Variants in SMAD2 observed in about 807,000 individuals in gnomAD.
The protein encoded by SMAD2 is MAD homolog 2.
A neutral mutation model predicts 64.4 loss-of-function variants in SMAD2; 8 were observed. The ratio of observed to expected loss-of-function variants is 0.12; its 90% confidence interval spans 0.07 to 0.22. SMAD2 has a LOEUF of 0.22. SMAD2 is among the 10% of genes least tolerant of loss of function. The pLI, the probability that SMAD2 is intolerant of heterozygous loss-of-function variation, is 1.00. For synonymous variants in SMAD2, 203 were observed against 195.8 expected (o/e 1.04, Z -0.31); for missense variants, 289 against 561.2 (o/e 0.51, Z 4.90).
At chr18:47,854,998 A>C (rs1016250884) in intron 6 of SMAD2, among the ~76,000 whole-genome samples, 2 of 152,140 alleles carry the variant, frequency 1.3e-5, no homozygotes, top group African/African-American at 2.4e-5. Flanking sequence ...CCTGTGCTCC[A>C]CCTAGTCCTC....
intron 2 of SMAD2, among the ~76,000 whole-genome samples, chr18:47,892,850 T>C (rs2033262971): frequency 6.6e-6 from 1 of 152,186 alleles, no homozygotes; most frequent in African/African-American, 2.4e-5. Flanking sequence ...GTCCTTTTAA[T>C]TTATGCTTAT....
At position 47,838,949 on chromosome 18, in the gene SMAD2, A is replaced by C. The variant is rs544762721; in HGVS notation, c.*2878T>G. On this transcript the variant is annotated 3_prime_UTR_variant, in exon 11 of 11. Transcript: ENST00000262160. ...AATGTTGCTAATTTAAATAAAGACA[A>C]AAATTCAACAAAGAGGGGATTCTAT... 8.1e-4 allele frequency: 188 copies of C among 233,350 alleles called. 1 individual carries two copies. Among genetic ancestry groups the C allele is most frequent in the Non-Finnish European group, 1.1e-3 (125 of 118,028 alleles). The allele number at this position is 233,350 out of a possible 1,614,324, so 14.5% of individuals were successfully genotyped here.
rs1320726618 is a variant in SMAD2 at position 47,816,182 on chromosome 18, T to TCC, written c.*25644_*25645insGG. 2.0e-5 allele frequency: 3 copies of TCC among 152,234 alleles called. No homozygotes were observed. The highest frequency in any genetic ancestry group is 2.1e-4 in the South Asian group (1 of 4,834). The allele number at this position is 152,234 out of a possible 1,614,324, so 9.4% of individuals were successfully genotyped here. ...GTCAAGACAACAATAACAAAAGGCTTTCTTCAGGGAGGGCAGTGGAAGTGA... is the reference window on the plus strand; with the variant it reads ...GTCAAGACAACAATAACAAAAGGCTTCCTCTTCAGGGAGGGCAGTGGAAGTGA... On this transcript the variant is annotated 3_prime_UTR_variant, in exon 11 of 11. Transcript: ENST00000262160.
intron 3 of SMAD2, among the ~76,000 whole-genome samples, 159 bp downstream of exon 3, chr18:47,870,315 AT>A (rs1372618834): frequency 6.6e-6 from 1 of 152,160 alleles, no homozygotes; most frequent in African/African-American, 2.4e-5. Context: ...CATTTAATAT[AT>A]TTTTTATACT....
rs572365706 is a variant in SMAD2, at chr18:47,822,519, T to C, written c.*19308A>G. The C allele has an allele frequency of 6.6e-6, 1 of 152,322 alleles. No homozygotes were observed. Among genetic ancestry groups the C allele is most frequent in the South Asian group, 2.1e-4 (1 of 4,826 alleles). The allele number at this position is 152,322 out of a possible 1,614,324, so 9.4% of individuals were successfully genotyped here. A position where few individuals can be genotyped will look rare whatever the true frequency, so the allele number is the denominator to read the frequency against. ...GTGTCTGTGACTTTTATTTGAAGCA[T>C]TATTGTTTTTTTACTTAAATGTTTT... is the stretch of plus-strand genomic sequence containing the variant. On this transcript the variant is annotated 3_prime_UTR_variant, in exon 11 of 11. Coordinates refer to ENST00000262160, the MANE Select transcript of SMAD2 (RefSeq NM_005901.6).
chr18:47,852,793 G>A lies in SMAD2; in HGVS notation c.731-1466C>T, dbSNP rs145667534. Among the ~76,000 whole-genome samples, 422 of 151,950 alleles carry A rather than the reference G, an allele frequency of 2.8e-3. 1 individual carries two copies. The highest frequency in any genetic ancestry group is 9.6e-3 in the African/African-American group (398 of 41,450). ...GGCTAAATCTAATCAAGAAAATAAG[G>A]GGGCACAAACATACAAAATAAGAAC... On this transcript the variant is annotated intron_variant, in intron 6 of 10. Transcript: ENST00000262160.
At chr18:47,928,105 C>T (rs564827719) in intron 1 of SMAD2, among the ~76,000 whole-genome samples, 1 of 152,038 alleles carries the variant, frequency 6.6e-6, no homozygotes, top group Non-Finnish European at 1.5e-5. Flanking sequence ...CCCCCCTCTA[C>T]CCTCTAAAAA....
intron 2 of SMAD2, among the ~76,000 whole-genome samples, chr18:47,888,741 T>G (rs1189918025): frequency 6.6e-6 from 1 of 152,158 alleles, no homozygotes; most frequent in Non-Finnish European, 1.5e-5. Flanking sequence ...TTGCAAGATC[T>G]TTATGAGTGA....
intron 4 of SMAD2, 84 bp from the exon 5 acceptor site, chr18:47,868,541 G>A (rs2031731874): frequency 1.8e-6 from 2 of 1,096,212 alleles, no homozygotes; most frequent in South Asian, 1.3e-5. Context: ...AACAAGAAGA[G>A]AAGTTGTAGC....
In SMAD2 at chr18:47,903,812, G is replaced by A. The variant is rs571776983; in HGVS notation, c.-53-7003C>T. Among the ~76,000 whole-genome samples the A allele has an allele frequency of 7.4e-5, 10 of 134,502 alleles. No individual in the cohort carries two copies. In the East Asian group the frequency reaches 2.5e-3, roughly 34 times the overall value. The allele number at this position is 134,502 out of a possible 152,430, so 88.2% of individuals were successfully genotyped here. A position where few individuals can be genotyped will look rare whatever the true frequency, so the allele number is the denominator to read the frequency against. On this transcript the variant is annotated intron_variant, in intron 1 of 10. Coordinates refer to ENST00000262160, the MANE Select transcript of SMAD2 (RefSeq NM_005901.6). ...TAGATGGGCTTAACAGAAATGAGCAGTGAACTTGAAGACAGGCCAAATTAA... is the reference window on the plus strand; with the variant it reads ...TAGATGGGCTTAACAGAAATGAGCAATGAACTTGAAGACAGGCCAAATTAA...
At position 47,851,384 on chromosome 18, in the gene SMAD2, A is replaced by G. The variant is rs995088930; in HGVS notation, c.731-57T>C. On this transcript the variant is annotated intron_variant, in intron 6 of 10. Transcript: ENST00000262160. ...TATTTCCAGAACTTCTGATCAAGTA[A>G]TCATAAAACTAGCTTTATCTGGTTA... 8 of 1,110,758 alleles carry G rather than the reference A, an allele frequency of 7.2e-6. No individual in the cohort carries two copies. The African/African-American group carries it at 1.2e-4, about 17-fold the overall frequency. 68.8% of individuals were successfully genotyped at this position (1,110,758 alleles called of 1,614,324 possible).
chr18:47,917,929 T>C (rs1482216192), intron 1 of SMAD2, among the ~76,000 whole-genome samples: 1 of 152,146 alleles, frequency 6.6e-6, no homozygotes, highest in Non-Finnish European at 1.5e-5. Flanking sequence ...AAAATTTTAA[T>C]GGCTGGAAAA....
In SMAD2 at chr18:47,845,002, A is replaced by G. The variant is rs1914353359; in HGVS notation, c.1280+338T>C. ...ATTGAAATCCAATGCACCTTTTACA[A>G]CTAGATCATGTGCCATCAAGTTTTC... is the stretch of plus-strand genomic sequence containing the variant. On this transcript the variant is annotated intron_variant, in intron 10 of 10. Coordinates refer to ENST00000262160, the MANE Select transcript of SMAD2 (RefSeq NM_005901.6). The G allele has an allele frequency of 5.6e-6, 3 of 531,048 alleles. No individual in the cohort carries two copies. In the African/African-American group the frequency reaches 5.7e-5, roughly 10 times the overall value. 32.9% of individuals were successfully genotyped at this position (531,048 alleles called of 1,614,324 possible).
rs990583535 is a variant in SMAD2 at position 47,903,883 on chromosome 18, G to T, written c.-53-7074C>A. Among the ~76,000 whole-genome samples the T allele has an allele frequency of 5.8e-5, 8 of 138,924 alleles. 1 individual carries two copies. The highest frequency in any genetic ancestry group is 3.6e-4 in the Admixed American group (5 of 14,030). 91.1% of individuals were successfully genotyped at this position (138,924 alleles called of 152,430 possible). On this transcript the variant is annotated intron_variant, in intron 1 of 10. Coordinates refer to ENST00000262160, the MANE Select transcript of SMAD2 (RefSeq NM_005901.6). ...AAGAGGGAAAAAACAGTGTGGGGGG[G>T]GGGGGGACTCAGAATATCCAAAACC...
chr18:47,837,019 T>G lies in SMAD2; in HGVS notation c.*4808A>C, dbSNP rs945450397. 4.7e-6 allele frequency: 1 copy of G among 211,812 alleles called. No homozygotes were observed. Among genetic ancestry groups the G allele is most frequent in the African/African-American group, 2.3e-5 (1 of 44,134 alleles). The allele number at this position is 211,812 out of a possible 1,614,324, so 13.1% of individuals were successfully genotyped here. ...AATCCAATATGCCCCAAGATGGAAATCTGGTATCGTAGGGAAAACATTGGC... is the reference window on the plus strand; with the variant it reads ...AATCCAATATGCCCCAAGATGGAAAGCTGGTATCGTAGGGAAAACATTGGC... On this transcript the variant is annotated 3_prime_UTR_variant, in exon 11 of 11. Transcript: ENST00000262160.
At chr18:47,870,410 G>C (rs1357836983) in intron 3 of SMAD2, 65 bp downstream of exon 3, 2 of 1,153,256 alleles carry the variant, frequency 1.7e-6, no homozygotes, top group Non-Finnish European at 2.6e-6. Context: ...ACCCCATATA[G>C]GTCTTTCAAA....
At chr18:47,892,447 G>C (rs986295533) in intron 2 of SMAD2, among the ~76,000 whole-genome samples, 1 of 152,172 alleles carries the variant, frequency 6.6e-6, no homozygotes, top group Non-Finnish European at 1.5e-5. Context: ...TGATCTGCCT[G>C]CCTCGGCCTC....
rs1912398726 is a variant in SMAD2 at position 47,817,105 on chromosome 18, G to C, written c.*24722C>G. The C allele has an allele frequency of 6.6e-6, 1 of 152,122 alleles. No homozygotes were observed. Among genetic ancestry groups the C allele is most frequent in the Non-Finnish European group, 1.5e-5 (1 of 68,026 alleles). The allele number at this position is 152,122 out of a possible 1,614,324, so 9.4% of individuals were successfully genotyped here. On this transcript the variant is annotated 3_prime_UTR_variant, in exon 11 of 11. Transcript: ENST00000262160. The stretch of plus-strand genomic sequence containing the variant: ...CAGCAATGCTGTATTCCCAAATAGA[G>C]TTTTCTTTTAGAGAGCCTCTCTCTG...
At chr18:47,915,516 T>C (rs1038896012) in intron 1 of SMAD2, among the ~76,000 whole-genome samples, 1 of 152,224 alleles carries the variant, frequency 6.6e-6, no homozygotes, top group Non-Finnish European at 1.5e-5. Context: ...TATCATTTTA[T>C]ACCATGTAAA....
Sources: gnomAD v4.1 joint callset for allele counts (sites outside exome capture counted in the v4.1 genomes callset) on GRCh38, gnomAD v4.1.1 for gene constraint, MANE v1.5 for transcripts, NCBI Gene and HGNC (gene_info 2026-07-23, HGNC 2026-07-21) for gene names.